The following SH2D4A variants were observed in gnomAD, a reference collection of about 807,000 sequenced individuals.
The protein encoded by SH2D4A is SH2 domain containing 4A, also known as SH2 domain-containing protein 4A.
A neutral mutation model predicts 64.7 loss-of-function variants in SH2D4A; 70 were observed. The ratio of observed to expected loss-of-function variants is 1.08; its 90% confidence interval spans 0.89 to 1.32. The LOEUF (loss-of-function observed/expected upper bound fraction) is 1.32, where lower values mean the gene tolerates loss of function less well. Ranked by LOEUF, SH2D4A falls within the 40% of genes most tolerant of loss-of-function variation. SH2D4A has a pLI of 0.00. For synonymous variants in SH2D4A, 268 were observed against 200.7 expected, an observed-to-expected ratio of 1.34 and a Z score of -2.83; for missense variants, 706 against 540.1, an observed-to-expected ratio of 1.31 and a Z score of -3.04.
At chr8:19,355,788 C>T (rs17128269) in intron 4 of SH2D4A, among the ~76,000 whole-genome samples, 18,901 of 152,136 alleles carry the variant, frequency 0.12, 1,250 homozygotes, top group Middle Eastern at 0.18. Flanking sequence ...TGCTCATTAG[C>T]GGAATTAGCA....
intron 4 of SH2D4A, 60 bp from the exon 5 acceptor site, chr8:19,357,143 T>G: frequency 1.6e-5 from 21 of 1,325,618 alleles, no homozygotes; most frequent in Non-Finnish European, 2.2e-5. Context: ...ATTGACAGAT[T>G]ATCTTATGAA....
At position 19,364,134 on chromosome 8, in the gene SH2D4A, T is replaced by G. The variant is rs1447704295; in HGVS notation, c.769T>G (p.Tyr257Asp). 6.2e-7 allele frequency: 1 copy of G among 1,614,068 alleles called. No homozygotes were observed. The highest frequency in any genetic ancestry group is 1.7e-5 in the Admixed American group (1 of 60,018). Residue 257 changes from tyrosine to aspartate, a missense_variant, in exon 7 of 10, where the codon TAC becomes GAC. Tyr to Asp is a radical substitution (Grantham distance 160). Transcript: ENST00000265807. ...CTTGGCTAAACAAGCACGAGAAGACTACAAGAGGTTATCCCTCGGGGCCCA... is the reference window on the plus strand; with the variant it reads ...CTTGGCTAAACAAGCACGAGAAGACGACAAGAGGTTATCCCTCGGGGCCCA... The part of the protein sequence containing the change: ...RSLAKQARED[Y>D]KRLSLGAQKG...
At chr8:19,383,393 G>C (rs76165574) in intron 8 of SH2D4A, among the ~76,000 whole-genome samples, 1 of 141,648 alleles carries the variant, frequency 7.1e-6, no homozygotes, top group Non-Finnish European at 1.6e-5. Context: ...TTTGTTCTTG[G>C]TTTTTTTTTT....
At position 19,357,133 on chromosome 8, in the gene SH2D4A, A is replaced by G. The variant is rs2052804312; in HGVS notation, c.514-70A>G. The G allele has an allele frequency of 5.5e-6, 7 of 1,263,552 alleles. No homozygotes were observed. The South Asian group carries it at 7.4e-5, about 13-fold the overall frequency. The allele number at this position is 1,263,552 out of a possible 1,614,324, so 78.3% of individuals were successfully genotyped here. On this transcript the variant is annotated intron_variant, in intron 4 of 9. Coordinates refer to ENST00000265807, the MANE Select transcript of SH2D4A (RefSeq NM_022071.4). The stretch of plus-strand genomic sequence containing the variant: ...GCAGCATTAGGGAAACCAGGGAAAC[A>G]TTGACAGATTATCTTATGAAACTGC...
intron 8 of SH2D4A, among the ~76,000 whole-genome samples, chr8:19,379,695 C>T (rs561422131): frequency 6.6e-6 from 1 of 152,286 alleles, no homozygotes; most frequent in South Asian, 2.1e-4. Context: ...ACAAGAATTT[C>T]AGCTTCTCCA....
intron 2 of SH2D4A, among the ~76,000 whole-genome samples, chr8:19,321,508 C>G (rs1276835486): frequency 6.6e-6 from 1 of 152,228 alleles, no homozygotes; most frequent in Non-Finnish European, 1.5e-5. Flanking sequence ...GCCACTGAAG[C>G]TGGCCATGAA....
At chr8:19,374,583 T>G (rs1411481111) in intron 8 of SH2D4A, among the ~76,000 whole-genome samples, 1 of 152,218 alleles carries the variant, frequency 6.6e-6, no homozygotes, top group Non-Finnish European at 1.5e-5. Context: ...GAAACTCTTC[T>G]AAAAGGAATA....
At chr8:19,365,014 T>C (rs1328858430) in intron 7 of SH2D4A, among the ~76,000 whole-genome samples, 4 of 152,238 alleles carry the variant, frequency 2.6e-5, no homozygotes, top group Non-Finnish European at 5.9e-5. Context: ...AACATCCTAG[T>C]ATTTAGAAAG....
rs1159245319 is a variant in SH2D4A at position 19,382,823 on chromosome 8, C to CTTTTTTTTTTTTTTTTTTT, written c.1048+9170_1048+9188dup. Among the ~76,000 whole-genome samples the CTTTTTTTTTTTTTTTTTTT allele has an allele frequency of 6.7e-4, 43 of 64,628 alleles. 2 individuals are homozygous for CTTTTTTTTTTTTTTTTTTT. Among genetic ancestry groups the CTTTTTTTTTTTTTTTTTTT allele is most frequent in the Non-Finnish European group, 8.9e-4 (31 of 34,650 alleles). The allele number at this position is 64,628 out of a possible 152,430, so 42.4% of individuals were successfully genotyped here. A position where few individuals can be genotyped will look rare whatever the true frequency, so the allele number is the denominator to read the frequency against. On this transcript the variant is annotated intron_variant, in intron 8 of 9. Transcript: ENST00000265807. Reference sequence around the variant, plus strand: ...TTTCTCTCTTGCTGCTTTTAAGATTCTTTTTTTTTTTTTTTTTTTTTTTTT... The same window carrying CTTTTTTTTTTTTTTTTTTT: ...TTTCTCTCTTGCTGCTTTTAAGATTCTTTTTTTTTTTTTTTTTTTTTTTTTTTTTTTTTTTTTTTTTTTT...
chr8:19,325,670 A>T (rs76925457), intron 2 of SH2D4A, among the ~76,000 whole-genome samples: 1 of 152,114 alleles, frequency 6.6e-6, no homozygotes, highest in East Asian at 1.9e-4. Context: ...TCTCGTTTCT[A>T]TACTGCCCTC....
chr8:19,324,989 G>T (rs1162851907), intron 2 of SH2D4A, among the ~76,000 whole-genome samples: 2 of 152,144 alleles, frequency 1.3e-5, no homozygotes, highest in East Asian at 3.9e-4. Flanking sequence ...TCTCACCCGA[G>T]TGTTGGTTGC....
intron 5 of SH2D4A, among the ~76,000 whole-genome samples, chr8:19,357,519 A>T (rs1401763147): frequency 1.3e-5 from 2 of 152,224 alleles, no homozygotes; most frequent in Non-Finnish European, 2.9e-5. Flanking sequence ...TCCTCCCAGA[A>T]GATCTAACAT....
At chr8:19,359,431 G>T (rs2052844446) in intron 5 of SH2D4A, among the ~76,000 whole-genome samples, 1 of 152,140 alleles carries the variant, frequency 6.6e-6, no homozygotes, top group Non-Finnish European at 1.5e-5. Flanking sequence ...GATGATCATA[G>T]CTTGATGTTT....
chr8:19,342,694 T>C (rs1285536540), intron 4 of SH2D4A, among the ~76,000 whole-genome samples: 1 of 152,198 alleles, frequency 6.6e-6, no homozygotes, highest in African/African-American at 2.4e-5. Flanking sequence ...GTCCCTCTTA[T>C]TATCTGCCCC....
At position 19,336,436 on chromosome 8, in the gene SH2D4A, C is replaced by G. The variant is rs755471134; in HGVS notation, c.513+1579C>G. 5.3e-5 allele frequency among the ~76,000 whole-genome samples: 8 copies of G among 152,228 alleles called. No individual in the cohort carries two copies. The South Asian group carries it at 1.5e-3, about 28-fold the overall frequency. Reference sequence around the variant, plus strand: ...TCCCCACATCCTCATTGAGGCCTCCCGTCCTCCCCAGGTGTGCTTTGCACT... The same window carrying G: ...TCCCCACATCCTCATTGAGGCCTCCGGTCCTCCCCAGGTGTGCTTTGCACT... On this transcript the variant is annotated intron_variant, in intron 4 of 9. Coordinates refer to ENST00000265807, the MANE Select transcript of SH2D4A (RefSeq NM_022071.4).
At chr8:19,385,335 AG>A (rs2053368522) in intron 8 of SH2D4A, among the ~76,000 whole-genome samples, 2 of 151,142 alleles carry the variant, frequency 1.3e-5, no homozygotes, top group South Asian at 4.2e-4. Context: ...TCTGCCTCCC[AG>A]GTAGTTGGAA....
intron 8 of SH2D4A, among the ~76,000 whole-genome samples, chr8:19,392,709 G>C (rs549900173): frequency 6.6e-6 from 1 of 152,048 alleles, no homozygotes; most frequent in African/African-American, 2.4e-5. Flanking sequence ...TGCTCTAAAT[G>C]GGTGTATAAG....
At chr8:19,371,552 A>C (rs1368079072) in intron 7 of SH2D4A, among the ~76,000 whole-genome samples, 1 of 152,118 alleles carries the variant, frequency 6.6e-6, no homozygotes, top group African/African-American at 2.4e-5. Context: ...GGGTATTCCT[A>C]TGTAGGTTGA....
At chr8:19,352,635 C>G (rs2052726002) in intron 4 of SH2D4A, among the ~76,000 whole-genome samples, 1 of 152,180 alleles carries the variant, frequency 6.6e-6, no homozygotes, top group Non-Finnish European at 1.5e-5. Flanking sequence ...TATGTTCTCT[C>G]TGGGAGACCC....
Sources: gnomAD v4.1 joint callset for allele counts (sites outside exome capture counted in the v4.1 genomes callset) on GRCh38, gnomAD v4.1.1 for gene constraint, MANE v1.5 for transcripts, NCBI Gene and HGNC (gene_info 2026-07-23, HGNC 2026-07-21) for gene names.